RAPGEF2: variants seen among roughly 807,000 people sequenced by gnomAD.
RAPGEF2 encodes PDZ domain containing guanine nucleotide exchange factor (GEF) 1.
A neutral mutation model predicts 186.7 loss-of-function variants in RAPGEF2; 54 were observed. That is an observed-to-expected ratio of 0.29 (90% CI 0.23 to 0.36). The LOEUF (loss-of-function observed/expected upper bound fraction) is 0.36. RAPGEF2 is among the 10% of genes least tolerant of loss of function. The pLI is 1.00. For synonymous variants in RAPGEF2, 712 were observed against 705.9 expected (o/e 1.01, Z -0.14); for missense variants, 1,532 against 2,045.0 (o/e 0.75, Z 4.84).
At chr4:159,124,652 T>G (rs950580897) in intron 1 of RAPGEF2, among the ~76,000 whole-genome samples, 1 of 152,140 alleles carries the variant, frequency 6.6e-6, no homozygotes, top group Non-Finnish European at 1.5e-5. Flanking sequence ...CCAGCCTAGT[T>G]TCCCTGTTAT....
chr4:159,240,236 C>T (rs1293022352), intron 5 of RAPGEF2, among the ~76,000 whole-genome samples: 2 of 150,596 alleles, frequency 1.3e-5, no homozygotes, highest in African/African-American at 4.9e-5. Flanking sequence ...GGTGTGAGAA[C>T]AGTTTTGTAA....
chr4:159,271,448 C>A (rs931127794), intron 7 of RAPGEF2, among the ~76,000 whole-genome samples: 1 of 152,114 alleles, frequency 6.6e-6, no homozygotes, highest in Non-Finnish European at 1.5e-5. Flanking sequence ...GTAGCTGTAA[C>A]TTATTGAGTA....
chr4:159,318,209 T>TA, intron 9 of RAPGEF2, among the ~76,000 whole-genome samples: 1 of 152,342 alleles, frequency 6.6e-6, no homozygotes, highest in East Asian at 1.9e-4. Flanking sequence ...AAACAAGTCC[T>TA]AAAGGGTGTT....
chr4:159,250,951 T>G lies in RAPGEF2; in HGVS notation c.543+7160T>G, dbSNP rs907667075. Among the ~76,000 whole-genome samples the G allele has an allele frequency of 2.0e-5, 3 of 152,194 alleles. No homozygotes were observed. In the East Asian group the frequency reaches 5.8e-4, roughly 29 times the overall value. ...GATGCGCAGGTGGGAACCTGGGCTG[T>G]GCGCCACGCTCATGGGCCAGCACGA... is the stretch of plus-strand genomic sequence containing the variant. On this transcript the variant is annotated intron_variant, in intron 7 of 29. Coordinates refer to ENST00000691494, the MANE Select transcript of RAPGEF2 (RefSeq NM_001394067.2).
intron 7 of RAPGEF2, among the ~76,000 whole-genome samples, chr4:159,295,761 G>GCA (rs1561230690): frequency 4.2e-5 from 5 of 120,138 alleles, no homozygotes; most frequent in Non-Finnish European, 5.0e-5. Context: ...GTGTGCGCGC[G>GCA]CGCGCGCGCG....
intron 2 of RAPGEF2, among the ~76,000 whole-genome samples, chr4:159,192,998 C>CT (rs1748273609): frequency 6.6e-6 from 1 of 152,142 alleles, no homozygotes; most frequent in Non-Finnish European, 1.5e-5. Context: ...ATTTTCTTTT[C>CT]TAGCATACTT....
chr4:159,322,779 T>C lies in RAPGEF2; in HGVS notation c.990+296T>C, dbSNP rs577165617. ...GTGAAAGGCACTTCTTACATGGCAG[T>C]GGCAAGAGGAAAAATGAGGAAGATA... On this transcript the variant is annotated intron_variant, in intron 10 of 29. Coordinates refer to ENST00000691494, the MANE Select transcript of RAPGEF2 (RefSeq NM_001394067.2). Among the ~76,000 whole-genome samples the C allele has an allele frequency of 7.2e-5, 11 of 152,184 alleles. No individual in the cohort carries two copies. In the East Asian group the frequency reaches 1.2e-3, roughly 16 times the overall value.
chr4:159,165,300 A>G (rs1424493326), intron 1 of RAPGEF2, among the ~76,000 whole-genome samples: 4 of 152,220 alleles, frequency 2.6e-5, no homozygotes, highest in Non-Finnish European at 2.9e-5. Flanking sequence ...ACCAACTGGT[A>G]CAAAGTTTTA....
intron 8 of RAPGEF2, among the ~76,000 whole-genome samples, chr4:159,311,230 A>G (rs1763918667): frequency 6.6e-6 from 1 of 152,184 alleles, no homozygotes; most frequent in South Asian, 2.1e-4. Flanking sequence ...CTAGACACAT[A>G]TGATAGTCAT....
At chr4:159,285,765 C>T (rs1012196403) in intron 7 of RAPGEF2, among the ~76,000 whole-genome samples, 6 of 152,152 alleles carry the variant, frequency 3.9e-5, no homozygotes, top group Non-Finnish European at 7.3e-5. Flanking sequence ...TGTCTCATCA[C>T]AGTACGGATC....
At chr4:159,187,087 C>CTT (rs1747634233) in intron 2 of RAPGEF2, among the ~76,000 whole-genome samples, 1 of 152,136 alleles carries the variant, frequency 6.6e-6, no homozygotes, top group Non-Finnish European at 1.5e-5. Flanking sequence ...AACAAGTAGG[C>CTT]TTAAAGGAAT....
Position 159,355,739 on chromosome 4 carries a change from A to G in RAPGEF2, c.4652-114A>G, listed in dbSNP as rs80094609. 708 of 1,027,062 alleles carry G rather than the reference A, an allele frequency of 6.9e-4. 5 individuals carry two copies. The African/African-American group carries it at 0.011, about 16-fold the overall frequency. The allele number at this position is 1,027,062 out of a possible 1,614,324, so 63.6% of individuals were successfully genotyped here. ...CCGCACCTCTAACCGATACCATGCA[A>G]ATGCACATCTGCTGCTACACTGTGG... On this transcript the variant is annotated intron_variant, in intron 28 of 29. Transcript: ENST00000691494.
intron 7 of RAPGEF2, chr4:159,267,795 T>C (rs1253414837): frequency 4.2e-6 from 4 of 956,494 alleles, no homozygotes; most frequent in Non-Finnish European, 3.8e-6. Flanking sequence ...TTTTTTCTTT[T>C]TTTTTTTTTT....
chr4:159,235,806 G>T lies in RAPGEF2; in HGVS notation c.282-3003G>T, dbSNP rs76136179. Among the ~76,000 whole-genome samples, 102 of 152,298 alleles carry T rather than the reference G, an allele frequency of 6.7e-4. No homozygotes were observed. The East Asian group carries it at 0.013, about 19-fold the overall frequency. On this transcript the variant is annotated intron_variant, in intron 4 of 29. Coordinates refer to ENST00000691494, the MANE Select transcript of RAPGEF2 (RefSeq NM_001394067.2). Reference sequence around the variant, plus strand: ...ATGTATTTACTGTTTCAAAGAATCAGAGAGCAGAAGCAAAAGTAACTTGTG... The same window carrying T: ...ATGTATTTACTGTTTCAAAGAATCATAGAGCAGAAGCAAAAGTAACTTGTG...
chr4:159,119,975 A>G (rs1000802806), intron 1 of RAPGEF2, among the ~76,000 whole-genome samples: 1 of 151,854 alleles, frequency 6.6e-6, no homozygotes, highest in African/African-American at 2.4e-5. Flanking sequence ...TTTTTTTAGG[A>G]CTTCAGTGTT....
At chr4:159,197,985 C>T (rs970594094) in intron 3 of RAPGEF2, among the ~76,000 whole-genome samples, 4 of 152,146 alleles carry the variant, frequency 2.6e-5, no homozygotes, top group African/African-American at 9.7e-5. Flanking sequence ...TTTCTGAGAC[C>T]GTAAGCCTGA....
intron 4 of RAPGEF2, among the ~76,000 whole-genome samples, chr4:159,228,510 C>G (rs1452354476): frequency 1.3e-5 from 2 of 152,174 alleles, no homozygotes; most frequent in Non-Finnish European, 2.9e-5. Flanking sequence ...ATCTTGTACT[C>G]TATTTTTATA....
At chr4:159,299,071 G>T (rs1427661039) in intron 7 of RAPGEF2, among the ~76,000 whole-genome samples, 2 of 152,074 alleles carry the variant, frequency 1.3e-5, no homozygotes, top group Non-Finnish European at 2.9e-5. Context: ...TGAACATAAA[G>T]ACTCAAAACC....
chr4:159,332,363 T>A, intron 16 of RAPGEF2, 88 bp from the exon 17 acceptor site: 1 of 1,376,886 alleles, frequency 7.3e-7, no homozygotes, highest in East Asian at 2.3e-5. Context: ...GTACTTCTCA[T>A]ATATTTCCAA....
Sources: allele counts gnomAD v4.1 joint callset (sites outside exome capture counted in the v4.1 genomes callset), GRCh38; gene constraint gnomAD v4.1.1; transcripts MANE v1.5; gene names NCBI Gene and HGNC (gene_info 2026-07-23, HGNC 2026-07-21).